The following ACTL6B variants were observed in gnomAD, a reference collection of about 807,000 sequenced individuals.
ACTL6B encodes actin-like protein 6B.
A neutral mutation model predicts 63.3 loss-of-function variants in ACTL6B; 48 were observed. The ratio of observed to expected loss-of-function variants is 0.76; its 90% confidence interval spans 0.60 to 0.96. ACTL6B has a LOEUF of 0.96. Among genes scored for constraint, ACTL6B ranks in the 50% least tolerant of loss-of-function variants. ACTL6B has a pLI of 0.00. For synonymous variants in ACTL6B, 230 were observed against 223.8 expected, an observed-to-expected ratio of 1.03 and a Z score of -0.25; for missense variants, 350 against 572.2, an observed-to-expected ratio of 0.61 and a Z score of 3.96.
Position 100,655,714 on chromosome 7 carries a change from T to C in ACTL6B, c.102+89A>G, listed in dbSNP as rs1471310748. The C allele has an allele frequency of 6.6e-7, 1 of 1,513,856 alleles. No individual in the cohort carries two copies. Among genetic ancestry groups the C allele is most frequent in the Non-Finnish European group, 8.9e-7 (1 of 1,125,470 alleles). The allele number at this position is 1,513,856 out of a possible 1,614,324, so 93.8% of individuals were successfully genotyped here. On this transcript the variant is annotated intron_variant, in intron 2 of 13. Coordinates refer to ENST00000160382, the MANE Select transcript of ACTL6B (RefSeq NM_016188.5). This position sits in a 1 kb window ranked among gnomAD's most constrained non-coding sequence, Gnocchi z 4.4. Reference sequence around the variant, plus strand: ...CCATATTCCCGCTCAGCAGAGCTTCTGGGCGATCTGGGAGAGCCCTGGGTC... The same window carrying C: ...CCATATTCCCGCTCAGCAGAGCTTCCGGGCGATCTGGGAGAGCCCTGGGTC...
chr7:100,647,666 TC>T lies in ACTL6B; in HGVS notation c.670-134del, dbSNP rs1803850396. 1.5e-6 allele frequency: 1 copy of T among 650,438 alleles called. No individual in the cohort carries two copies. Among genetic ancestry groups the T allele is most frequent in the East Asian group, 2.7e-5 (1 of 37,130 alleles). 40.3% of individuals were successfully genotyped at this position (650,438 alleles called of 1,614,324 possible). On this transcript the variant is annotated intron_variant, in intron 7 of 13. Transcript: ENST00000160382. The surrounding 1 kb of genome is among the most constrained non-coding windows in gnomAD (Gnocchi z 4.4). Reference sequence around the variant, plus strand: ...CTGTGCTGCCTGCAAGAGGGGTTTCTCACCCTTCCCTGATGGAGAGGAGAGA... The same window carrying T: ...CTGTGCTGCCTGCAAGAGGGGTTTCTACCCTTCCCTGATGGAGAGGAGAGA...
chr7:100,648,226 G>A lies in ACTL6B; in HGVS notation c.669+330C>T. On this transcript the variant is annotated intron_variant, in intron 7 of 13. Coordinates refer to ENST00000160382, the MANE Select transcript of ACTL6B (RefSeq NM_016188.5). This position sits in a 1 kb window ranked among gnomAD's most constrained non-coding sequence, Gnocchi z 4.4. Reference sequence around the variant, plus strand: ...GCCTGCCTCAGCCTCCCGAAGTGCTGGGATTACAGGTGTGAGCCACCATGC... The same window carrying A: ...GCCTGCCTCAGCCTCCCGAAGTGCTAGGATTACAGGTGTGAGCCACCATGC... The A allele has an allele frequency of 5.2e-6, 1 of 191,616 alleles. No individual in the cohort carries two copies. 11.9% of individuals were successfully genotyped at this position (191,616 alleles called of 1,614,324 possible). A position where few individuals can be genotyped will look rare whatever the true frequency, so the allele number is the denominator to read the frequency against.
At chr7:100,654,386 T>C (rs1226545397) in intron 4 of ACTL6B, among the ~76,000 whole-genome samples, 2 of 150,770 alleles carry the variant, frequency 1.3e-5, no homozygotes, top group Admixed American at 6.6e-5. Flanking sequence ...CCCAAAGTGT[T>C]GGGATTACAG....
intron 4 of ACTL6B, among the ~76,000 whole-genome samples, chr7:100,654,726 C>A (rs1804005607): frequency 6.6e-6 from 1 of 151,274 alleles, no homozygotes; most frequent in Non-Finnish European, 1.5e-5. Context: ...AGGCTGAGAT[C>A]TCACCATTGC....
rs1266255587 is a variant in ACTL6B at position 100,646,871 on chromosome 7, C to A, written c.937-40G>T. 6.2e-7 allele frequency: 1 copy of A among 1,602,820 alleles called. No homozygotes were observed. Among genetic ancestry groups the A allele is most frequent in the South Asian group, 1.1e-5 (1 of 90,154 alleles). On this transcript the variant is annotated intron_variant, in intron 10 of 13. Coordinates refer to ENST00000160382, the MANE Select transcript of ACTL6B (RefSeq NM_016188.5). This position sits in a 1 kb window ranked among gnomAD's most constrained non-coding sequence, Gnocchi z 6.1. Reference sequence around the variant, plus strand: ...GACTGGGGCTGTGGGCTCTCTCCCCCTTCCCCCCAGACCCCTGCAATCCTT... The same window carrying A: ...GACTGGGGCTGTGGGCTCTCTCCCCATTCCCCCCAGACCCCTGCAATCCTT...
In ACTL6B at chr7:100,650,154, G is replaced by A; in HGVS notation, c.370-19C>T. ...TGTTCCACTGTGGAGAAAGTGCAGA[G>A]GGGGAGGATTCAGGAAGGGAGAGGC... On this transcript the variant is annotated intron_variant, in intron 4 of 13. Transcript: ENST00000160382. The A allele has an allele frequency of 6.2e-7, 1 of 1,611,704 alleles. No individual in the cohort carries two copies. The highest frequency in any genetic ancestry group is 8.5e-7 in the Non-Finnish European group (1 of 1,178,630).
At chr7:100,645,276 T>A (rs1803799810) in intron 13 of ACTL6B, among the ~76,000 whole-genome samples, 1 of 152,062 alleles carries the variant, frequency 6.6e-6, no homozygotes, top group Non-Finnish European at 1.5e-5. Flanking sequence ...TCCAGCTCCC[T>A]GCTCAGTACC....
At chr7:100,645,791 C>T (rs1803809607) in intron 13 of ACTL6B, among the ~76,000 whole-genome samples, 2 of 152,066 alleles carry the variant, frequency 1.3e-5, no homozygotes, top group African/African-American at 2.4e-5. Flanking sequence ...ACCACCATGC[C>T]TGGCTAATTT....
At chr7:100,649,380 C>T (rs945331673) in intron 5 of ACTL6B, among the ~76,000 whole-genome samples, 1 of 151,876 alleles carries the variant, frequency 6.6e-6, no homozygotes, top group Non-Finnish European at 1.5e-5. Context: ...TCACTGCAAC[C>T]TCTGCCTCCT....
Position 100,651,904 on chromosome 7 carries a change from G to C in ACTL6B, c.370-1769C>G, listed in dbSNP as rs528572117. Reference sequence around the variant, plus strand: ...TTCTAAGGCAGTTACTGAAGGACCTGCTCCATGAAAACAAAGGAATAAGTC... The same window carrying C: ...TTCTAAGGCAGTTACTGAAGGACCTCCTCCATGAAAACAAAGGAATAAGTC... On this transcript the variant is annotated intron_variant, in intron 4 of 13. Transcript: ENST00000160382. Among the ~76,000 whole-genome samples the C allele has an allele frequency of 3.0e-3, 457 of 152,186 alleles. 2 individuals are homozygous for C. The highest frequency in any genetic ancestry group is 0.011 in the African/African-American group (437 of 41,536).
At position 100,646,674 on chromosome 7, in the gene ACTL6B, C is replaced by G; in HGVS notation, c.1018-28G>C. On this transcript the variant is annotated intron_variant, in intron 11 of 13. Transcript: ENST00000160382. The surrounding 1 kb of genome is among the most constrained non-coding windows in gnomAD (Gnocchi z 6.1). ...GAGAGCAGGGAGAAGGAGTGAGCTG[C>G]GGGGGCAGCCCCCCAACCCCGTCTC... 1 of 1,613,360 alleles carries G rather than the reference C, an allele frequency of 6.2e-7. No homozygotes were observed.
intron 13 of ACTL6B, 89 bp from the exon 14 acceptor site, chr7:100,643,415 C>A: frequency 7.4e-7 from 1 of 1,346,456 alleles, no homozygotes; most frequent in South Asian, 1.2e-5. Flanking sequence ...CTCCAACAGG[C>A]CCCAACCACC....
Position 100,648,468 on chromosome 7 carries a change from C to G in ACTL6B, c.669+88G>C. 1 of 1,187,392 alleles carries G rather than the reference C, an allele frequency of 8.4e-7. No individual in the cohort carries two copies. Among genetic ancestry groups the G allele is most frequent in the Non-Finnish European group, 1.2e-6 (1 of 861,410 alleles). 73.6% of individuals were successfully genotyped at this position (1,187,392 alleles called of 1,614,324 possible). On this transcript the variant is annotated intron_variant, in intron 7 of 13. Transcript: ENST00000160382. This position sits in a 1 kb window ranked among gnomAD's most constrained non-coding sequence, Gnocchi z 4.4. Reference sequence around the variant, plus strand: ...CCACTGGGGAGCCTGCTGCTCTCTGCTCTGATATCTCATGTGTCAGAGGGT... The same window carrying G: ...CCACTGGGGAGCCTGCTGCTCTCTGGTCTGATATCTCATGTGTCAGAGGGT...
intron 4 of ACTL6B, 150 bp from the exon 5 acceptor site, chr7:100,650,285 CACAT>C (rs957066203): frequency 1.2e-5 from 8 of 649,018 alleles, no homozygotes; most frequent in African/African-American, 3.6e-5. Context: ...TAAACACTCA[CACAT>C]ACACTCACGG....
Position 100,655,118 on chromosome 7 carries a change from G to A in ACTL6B, c.270C>T (p.Ile90=), listed in dbSNP as rs769777960. Residue 90 remains isoleucine, a splice_region_variant and synonymous_variant, in exon 4 of 14, where the codon ATC becomes ATT. Coordinates refer to ENST00000160382, the MANE Select transcript of ACTL6B (RefSeq NM_016188.5). The surrounding 1 kb of genome is among the most constrained non-coding windows in gnomAD (Gnocchi z 4.4). ...TGGCTCGGAAGCACTCCCAGTCCTC[G>A]ACTGGGGCCAGAAGAGCAGCGTGCA... ...EVMSPLKNGM[I]EDWECFRAIL... The A allele has an allele frequency of 6.2e-6, 10 of 1,613,148 alleles. No individual in the cohort carries two copies. The South Asian group carries it at 9.9e-5, about 16-fold the overall frequency.
rs551373133 is a variant in ACTL6B, at chr7:100,646,100, C to G, written c.1200+149G>C. On this transcript the variant is annotated intron_variant, in intron 13 of 13. Coordinates refer to ENST00000160382, the MANE Select transcript of ACTL6B (RefSeq NM_016188.5). The surrounding 1 kb of genome is among the most constrained non-coding windows in gnomAD (Gnocchi z 6.1). Reference sequence around the variant, plus strand: ...CCCCCCGATTTGTGTCCTGTTCACCCTTCTGGGAACATTCATTGACTGACA... The same window carrying G: ...CCCCCCGATTTGTGTCCTGTTCACCGTTCTGGGAACATTCATTGACTGACA... 2 of 806,574 alleles carry G rather than the reference C, an allele frequency of 2.5e-6. No individual in the cohort carries two copies. Among genetic ancestry groups the G allele is most frequent in the South Asian group, 3.3e-5 (2 of 60,916 alleles). 50.0% of individuals were successfully genotyped at this position (806,574 alleles called of 1,614,324 possible). A position where few individuals can be genotyped will look rare whatever the true frequency, so the allele number is the denominator to read the frequency against.
rs1226801202 is a variant in ACTL6B at position 100,650,074 on chromosome 7, G to C, written c.431C>G (p.Pro144Arg). Residue 144 changes from proline to arginine, a missense_variant, in exon 5 of 14, where the codon CCT becomes CGT. By Grantham distance (103) the Pro-to-Arg change is moderately radical. Coordinates refer to ENST00000160382, the MANE Select transcript of ACTL6B (RefSeq NM_016188.5). ...TELMFEQYNI[P>R]AFFLCKTAVL... ...AGCCGTCTTGCATAAGAAGAAGGCA[G>C]GAATGTTGTACTGCTCGAACATCAG... The C allele has an allele frequency of 6.2e-7, 1 of 1,613,998 alleles. No homozygotes were observed.
chr7:100,652,346 G>A (rs1431912303), intron 4 of ACTL6B, among the ~76,000 whole-genome samples: 1 of 151,560 alleles, frequency 6.6e-6, no homozygotes, highest in Non-Finnish European at 1.5e-5. Flanking sequence ...GGCTGAGGCA[G>A]GAGAAATGGA....
chr7:100,648,733 C>T lies in ACTL6B; in HGVS notation c.558G>A (p.Gln186=). 6.2e-7 allele frequency: 1 copy of T among 1,614,072 alleles called. No individual in the cohort carries two copies. Among genetic ancestry groups the T allele is most frequent in the East Asian group, 2.2e-5 (1 of 44,870 alleles). The change falls in exon 6 of 14, where the codon CAG becomes CAA. Residue 186 remains glutamine, a synonymous_variant. Coordinates refer to ENST00000160382, the MANE Select transcript of ACTL6B (RefSeq NM_016188.5). The surrounding 1 kb of genome is among the most constrained non-coding windows in gnomAD (Gnocchi z 4.4). Reference sequence around the variant, plus strand: ...CACCCCCTGCCGAAGCCCCACCTTGCTGCAGAACGTAGCCGTCATGTACTG... The same window carrying T: ...CACCCCCTGCCGAAGCCCCACCTTGTTGCAGAACGTAGCCGTCATGTACTG... ...AIPVHDGYVL[Q]QGIVKSPLAG...
Sources: allele counts gnomAD v4.1 joint callset (sites outside exome capture counted in the v4.1 genomes callset), GRCh38; gene constraint gnomAD v4.1.1; non-coding constraint Gnocchi (gnomAD v3.1); transcripts MANE v1.5; gene names NCBI Gene and HGNC (gene_info 2026-07-23, HGNC 2026-07-21).